TCEA1: variants seen among roughly 807,000 people sequenced by gnomAD.
TCEA1 encodes the protein transcription elongation factor A protein 1.
Under a neutral mutation model 43.8 loss-of-function variants are expected in TCEA1, and 21 were observed. That is an observed-to-expected ratio of 0.48 (90% confidence interval 0.34 to 0.69). The LOEUF is 0.69. TCEA1 is among the 30% of genes least tolerant of loss of function. TCEA1 has a pLI of 0.01. For synonymous variants in TCEA1, 104 were observed against 117.5 expected, an observed-to-expected ratio of 0.88 and a Z score of 0.75; for missense variants, 250 against 365.1, an observed-to-expected ratio of 0.68 and a Z score of 2.57.
chr8:53,994,938 C>T (rs987313588), intron 3 of TCEA1, among the ~76,000 whole-genome samples: 4 of 151,780 alleles, frequency 2.6e-5, no homozygotes, highest in African/African-American at 9.7e-5. Context: ...TGAGTCAGTG[C>T]AATATTTCAA....
At chr8:54,016,547 A>G (rs1410257062) in intron 1 of TCEA1, among the ~76,000 whole-genome samples, 2 of 152,188 alleles carry the variant, frequency 1.3e-5, no homozygotes, top group Non-Finnish European at 2.9e-5. Context: ...TGAATGAATA[A>G]GCAAATCGTG....
intron 2 of TCEA1, among the ~76,000 whole-genome samples, chr8:54,002,502 T>C (rs534990410): frequency 1.3e-5 from 2 of 150,126 alleles, no homozygotes; most frequent in African/African-American, 4.9e-5. Context: ...ATGAAGCTGC[T>C]GAGGTAGAAT....
intron 3 of TCEA1, among the ~76,000 whole-genome samples, chr8:53,995,130 A>G (rs2129306682): frequency 6.6e-6 from 1 of 151,888 alleles, no homozygotes; most frequent in Non-Finnish European, 1.5e-5. Flanking sequence ...GTGAAACCCT[A>G]TCTCTACTAA....
At chr8:54,021,548 T>G (rs904978017) in intron 1 of TCEA1, 1 of 145,736 alleles carries the variant, frequency 6.9e-6, no homozygotes, top group Admixed American at 6.7e-5. Context: ...TAAGCAAACA[T>G]GTAGCACAGT....
intron 2 of TCEA1, chr8:54,010,077 C>T (rs1257626638): frequency 4.7e-6 from 1 of 213,720 alleles, no homozygotes; most frequent in Non-Finnish European, 9.2e-6. Flanking sequence ...ACCTTGCCAT[C>T]CTCACCCTGA....
chr8:54,001,283 G>A (rs1347310515), intron 2 of TCEA1, among the ~76,000 whole-genome samples: 1 of 151,790 alleles, frequency 6.6e-6, no homozygotes, highest in East Asian at 1.9e-4. Flanking sequence ...TCTTAGTGGT[G>A]AAAAAAAAGA....
At chr8:53,975,366 A>T (rs1803298685) in intron 8 of TCEA1, among the ~76,000 whole-genome samples, 1 of 152,226 alleles carries the variant, frequency 6.6e-6, no homozygotes, top group East Asian at 1.9e-4. Context: ...TCTATAAGCC[A>T]TTACTACTGC....
chr8:53,984,225 G>T, intron 7 of TCEA1, 138 bp downstream of exon 7: 3 of 748,748 alleles, frequency 4.0e-6, no homozygotes, highest in South Asian at 6.4e-5. Context: ...TTAAGTATTT[G>T]TCTAGTATAT....
At chr8:53,969,936 A>G (rs1376863033) in intron 9 of TCEA1, among the ~76,000 whole-genome samples, 2 of 152,198 alleles carry the variant, frequency 1.3e-5, no homozygotes, top group East Asian at 1.9e-4. Flanking sequence ...GGCTTAGTGA[A>G]AAGCCTACCA....
chr8:53,996,348 G>A (rs1313720924), intron 3 of TCEA1, among the ~76,000 whole-genome samples: 1 of 152,218 alleles, frequency 6.6e-6, no homozygotes, highest in African/African-American at 2.4e-5. Context: ...ATTCACCACT[G>A]ATTCAACTGT....
chr8:53,977,461 T>G (rs989887084), intron 8 of TCEA1, among the ~76,000 whole-genome samples: 1 of 152,226 alleles, frequency 6.6e-6, no homozygotes, highest in African/African-American at 2.4e-5. Context: ...TTCCTACTCA[T>G]AAACTTTTGT....
intron 6 of TCEA1, among the ~76,000 whole-genome samples, chr8:53,985,448 T>C (rs1044114817): frequency 2.0e-5 from 3 of 152,214 alleles, no homozygotes; most frequent in East Asian, 1.9e-4. Context: ...CAAGCTTTAC[T>C]TGCCCAAATC....
intron 1 of TCEA1, among the ~76,000 whole-genome samples, chr8:54,015,108 T>C (rs1462516280): frequency 1.3e-5 from 2 of 152,206 alleles, no homozygotes; most frequent in Non-Finnish European, 2.9e-5. Flanking sequence ...AGTTACTTCT[T>C]CTATAATAAT....
intron 8 of TCEA1, chr8:53,972,751 T>C (rs1353803513): frequency 4.2e-6 from 3 of 707,540 alleles, no homozygotes; most frequent in Non-Finnish European, 8.1e-6. Flanking sequence ...CTCAAATGAC[T>C]GAAGTACTAT....
chr8:53,977,427 C>A (rs985535126), intron 8 of TCEA1, among the ~76,000 whole-genome samples: 1 of 152,144 alleles, frequency 6.6e-6, no homozygotes, highest in African/African-American at 2.4e-5. Flanking sequence ...ACGAGGTGGC[C>A]ACAGGCAAAA....
intron 3 of TCEA1, among the ~76,000 whole-genome samples, chr8:53,994,732 G>A (rs751690367): frequency 1.8e-4 from 28 of 151,962 alleles, no homozygotes; most frequent in Non-Finnish European, 1.9e-4. Flanking sequence ...TTAGCCGGGC[G>A]TGGTGATACG....
intron 3 of TCEA1, among the ~76,000 whole-genome samples, chr8:53,998,473 AGGGGACCAGGAATGAG>A (rs1804139175): frequency 6.6e-6 from 1 of 152,176 alleles, no homozygotes; most frequent in Non-Finnish European, 1.5e-5. Context: ...TACTTGAGGC[AGGGGACCAGGAATGAG>A]GGGGAAGGGA....
intron 9 of TCEA1, 63 bp downstream of exon 9, chr8:53,970,317 CAGACCTATGAAA>C: frequency 1.0e-6 from 1 of 977,630 alleles, no homozygotes; most frequent in South Asian, 1.3e-5. Flanking sequence ...GATATCTAGG[CAGACCTATGAAA>C]AGACCAGAAG....
At chr8:54,003,879 ACT>A (rs1195770463) in intron 2 of TCEA1, among the ~76,000 whole-genome samples, 1 of 151,920 alleles carries the variant, frequency 6.6e-6, no homozygotes, top group African/African-American at 2.4e-5. Flanking sequence ...ATATTTGCAA[ACT>A]CTATGTCTGA....
Sources: allele counts gnomAD v4.1 joint callset (sites outside exome capture counted in the v4.1 genomes callset), GRCh38; gene constraint gnomAD v4.1.1; transcripts MANE v1.5; gene names NCBI Gene and HGNC (gene_info 2026-07-23, HGNC 2026-07-21).